ERG: variants seen among roughly 807,000 people sequenced by gnomAD.
The protein encoded by ERG is transcriptional regulator ERG.
Under a neutral mutation model 55.3 loss-of-function variants are expected in ERG, and 9 were observed. The observed-to-expected ratio is 0.16, with a 90% CI of 0.10 to 0.28. The LOEUF is 0.28. Among genes scored for constraint, ERG ranks in the 10% least tolerant of loss-of-function variants. ERG has a pLI of 1.00. For missense variants in ERG, 434 were observed against 631.6 expected (o/e 0.69, Z 3.35); for synonymous variants, 223 against 237.3 (o/e 0.94, Z 0.55).
chr21:38,588,813 C>T (rs1487817901), upstream of ERG, among the ~76,000 whole-genome samples: 3 of 152,108 alleles, frequency 2.0e-5, no homozygotes, highest in African/African-American at 7.2e-5. Flanking sequence ...CCCTCCCTGG[C>T]TCAAGTGATC....
At position 38,428,864 on chromosome 21, in the gene ERG, G is replaced by A. The variant is rs1237373980; in HGVS notation, c.237-5303C>T. ...AGATATTGCTCTCACAGACTCCTTT[G>A]AGGACAAACAAAAATCATTTTGTCT... is the stretch of plus-strand genomic sequence containing the variant. On this transcript the variant is annotated intron_variant, in intron 2 of 9. Coordinates refer to ENST00000288319, the MANE Select transcript of ERG (RefSeq NM_182918.4). 2.0e-5 allele frequency among the ~76,000 whole-genome samples: 3 copies of A among 152,096 alleles called. No homozygotes were observed. In the South Asian group the frequency reaches 6.2e-4, roughly 32 times the overall value.
At chr21:38,601,486 T>C (rs891781428) in intron 1 of ERG, among the ~76,000 whole-genome samples, 3 of 152,200 alleles carry the variant, frequency 2.0e-5, no homozygotes, top group Non-Finnish European at 1.5e-5. Flanking sequence ...AATATTTATT[T>C]TGAGGTTTCA....
chr21:38,558,741 T>C (rs933076929), intron 2 of ERG, among the ~76,000 whole-genome samples: 1 of 151,936 alleles, frequency 6.6e-6, no homozygotes, highest in African/African-American at 2.4e-5. Flanking sequence ...CACACGGAGG[T>C]GACAGTTACA....
At chr21:38,655,328 T>C (rs1328793689) in intron 1 of ERG, among the ~76,000 whole-genome samples, 2 of 152,264 alleles carry the variant, frequency 1.3e-5, no homozygotes, top group South Asian at 2.1e-4. Flanking sequence ...CAAGCCTTCA[T>C]TGCACACAGA....
chr21:38,582,773 G>GTCTTGCTC (rs1191301784), intron 1 of ERG, among the ~76,000 whole-genome samples: 2 of 151,852 alleles, frequency 1.3e-5, no homozygotes. Context: ...TTGAGACGGA[G>GTCTTGCTC]TCTTGCTCTG....
intron 1 of ERG, chr21:38,451,237 G>T (rs776059642): frequency 7.9e-6 from 4 of 504,104 alleles, no homozygotes; most frequent in Non-Finnish European, 1.6e-5. Flanking sequence ...AACGGAGAGT[G>T]CTGGGAACCA....
chr21:38,574,299 C>T (rs558958505), intron 2 of ERG, among the ~76,000 whole-genome samples: 3 of 152,348 alleles, frequency 2.0e-5, no homozygotes, highest in Admixed American at 6.5e-5. Context: ...AACCTTATCA[C>T]ATCCACAAGA....
At chr21:38,500,564 A>C (rs1249384873), upstream of ERG, among the ~76,000 whole-genome samples, 1 of 152,138 alleles carries the variant, frequency 6.6e-6, no homozygotes, top group Non-Finnish European at 1.5e-5. Flanking sequence ...TACTGGTGCC[A>C]ATGTACATCA....
intron 1 of ERG, among the ~76,000 whole-genome samples, chr21:38,483,265 C>T (rs1160996813): frequency 6.6e-6 from 1 of 152,040 alleles, no homozygotes; most frequent in Non-Finnish European, 1.5e-5. Context: ...GGGATTTTTG[C>T]TTTAAGAGTA....
intron 9 of ERG, among the ~76,000 whole-genome samples, chr21:38,388,688 G>A (rs1031795032): frequency 6.6e-6 from 1 of 152,136 alleles, no homozygotes; most frequent in Non-Finnish European, 1.5e-5. Context: ...TCACTTGCCT[G>A]CAAATCAAAG....
At chr21:38,561,455 C>A (rs2059892245) in intron 2 of ERG, among the ~76,000 whole-genome samples, 3 of 135,730 alleles carry the variant, frequency 2.2e-5, no homozygotes, top group Non-Finnish European at 3.2e-5. Flanking sequence ...CTACACAATC[C>A]TTTTTTTTTT....
At chr21:38,368,013 T>A in the ERG span, among the ~76,000 whole-genome samples, 2 of 152,318 alleles carry the variant, frequency 1.3e-5, no homozygotes, top group South Asian at 2.1e-4. Context: ...TCTTTTTCCA[T>A]ATTATTTAAA....
At chr21:38,573,229 T>C (rs1009859664) in intron 2 of ERG, among the ~76,000 whole-genome samples, 1 of 152,172 alleles carries the variant, frequency 6.6e-6, no homozygotes, top group African/African-American at 2.4e-5. Flanking sequence ...GTCCAAGGTT[T>C]CTCCCATGTG....
upstream of ERG, among the ~76,000 whole-genome samples, chr21:38,588,547 C>T (rs1047279971): frequency 2.6e-5 from 4 of 152,130 alleles, no homozygotes; most frequent in Non-Finnish European, 4.4e-5. Context: ...GAACCTTGAG[C>T]TTGGGGCCCC....
chr21:38,613,405 C>T (rs1443786572), intron 1 of ERG, among the ~76,000 whole-genome samples: 2 of 150,706 alleles, frequency 1.3e-5, no homozygotes, highest in Non-Finnish European at 2.9e-5. Flanking sequence ...CTAAAGCACG[C>T]CCCCTGACCA....
intron 1 of ERG, among the ~76,000 whole-genome samples, chr21:38,653,405 A>C (rs2060499880): frequency 6.6e-6 from 1 of 152,058 alleles, no homozygotes. Context: ...CTTGAGTCAA[A>C]TCTGACTGCC....
At chr21:38,629,147 G>A (rs1339883232) in intron 1 of ERG, among the ~76,000 whole-genome samples, 9 of 152,188 alleles carry the variant, frequency 5.9e-5, no homozygotes, top group Non-Finnish European at 1.2e-4. Context: ...GAGTTCCCCT[G>A]TGGGAGGCAG....
intron 1 of ERG, among the ~76,000 whole-genome samples, chr21:38,622,699 A>G (rs925462305): frequency 7.0e-6 from 1 of 142,818 alleles, no homozygotes; most frequent in African/African-American, 2.7e-5. Context: ...ACACATACAC[A>G]CCACACACAC....
chr21:38,526,098 C>T (rs890145625), intron 2 of ERG, among the ~76,000 whole-genome samples: 1 of 152,134 alleles, frequency 6.6e-6, no homozygotes, highest in Non-Finnish European at 1.5e-5. Flanking sequence ...TGGTCTGTTA[C>T]ATGTGCAGGT....
Sources: gnomAD v4.1 joint callset for allele counts (sites outside exome capture counted in the v4.1 genomes callset) on GRCh38, gnomAD v4.1.1 for gene constraint, MANE v1.5 for transcripts, NCBI Gene and HGNC (gene_info 2026-07-23, HGNC 2026-07-21) for gene names.